The following DNAH8 variants were observed in gnomAD, a reference collection of about 807,000 sequenced individuals.
DNAH8 encodes axonemal beta dynein heavy chain 8.
Under a neutral mutation model 562.1 loss-of-function variants are expected in DNAH8, and 382 were observed. That is an observed-to-expected ratio of 0.68 (90% CI 0.63 to 0.74). The LOEUF is 0.74. DNAH8 is among the 30% of genes least tolerant of loss of function. The pLI is 0.00. For missense variants in DNAH8, 5,203 were observed against 5,620.4 expected (o/e 0.93, Z 2.37); for synonymous variants, 1,881 against 1,919.4 (o/e 0.98, Z 0.52).
chr6:38,972,769 A>G (rs1382510686), intron 83 of DNAH8, among the ~76,000 whole-genome samples: 2 of 152,172 alleles, frequency 1.3e-5, no homozygotes, highest in Non-Finnish European at 2.9e-5. Flanking sequence ...TGTTTAGCAT[A>G]AAGCTGGCAT....
At position 38,827,732 on chromosome 6, in the gene DNAH8, ACTTTTTTTTTTT is replaced by A. The variant is rs1773475253; in HGVS notation, c.4084-451_4084-440del. Among the ~76,000 whole-genome samples, 6 of 25,748 alleles carry A rather than the reference ACTTTTTTTTTTT, an allele frequency of 2.3e-4. 3 individuals carry two copies. The East Asian group carries it at 5.4e-3, about 23-fold the overall frequency. 16.9% of individuals were successfully genotyped at this position (25,748 alleles called of 152,430 possible). On this transcript the variant is annotated intron_variant, in intron 29 of 92. Coordinates refer to ENST00000327475, the MANE Select transcript of DNAH8 (RefSeq NM_001206927.2). The stretch of plus-strand genomic sequence containing the variant: ...CTGCAAAAGCTTAATTCTTTACCAA[ACTTTTTTTTTTT>A]TTTTTTTTTTTTTTTTTTTTTTTTT...
At chr6:38,852,011 G>A (rs544629164) in intron 39 of DNAH8, among the ~76,000 whole-genome samples, 1 of 152,284 alleles carries the variant, frequency 6.6e-6, no homozygotes, top group African/African-American at 2.4e-5. Flanking sequence ...ATCATGCATA[G>A]CAGAGTCTCT....
chr6:38,934,847 C>T (rs778582625), intron 76 of DNAH8, among the ~76,000 whole-genome samples: 86 of 152,050 alleles, frequency 5.7e-4, no homozygotes, highest in Non-Finnish European at 9.7e-4. Context: ...ACAACAATAA[C>T]AATAATGACA....
chr6:39,009,299 G>T (rs10947770), intron 89 of DNAH8, among the ~76,000 whole-genome samples: 16,326 of 75,232 alleles, frequency 0.22, 1,051 homozygotes, highest in Admixed American at 0.35. Flanking sequence ...CTTAAGCTGT[G>T]CTAAAAAAAA....
At chr6:38,869,110 T>C (rs1300298050) in intron 48 of DNAH8, among the ~76,000 whole-genome samples, 1 of 152,240 alleles carries the variant, frequency 6.6e-6, no homozygotes, top group East Asian at 1.9e-4. Context: ...ACATTCTAGT[T>C]ACAAAAACTA....
In DNAH8 at chr6:38,718,718, A is replaced by T. The variant is rs189543824; in HGVS notation, c.-35+3303A>T. 2.5e-3 allele frequency among the ~76,000 whole-genome samples: 380 copies of T among 152,306 alleles called. 4 individuals carry two copies. The highest frequency in any genetic ancestry group is 8.9e-3 in the African/African-American group (372 of 41,574). The stretch of plus-strand genomic sequence containing the variant: ...CAGACACTTGTATTCGCAGAAACAG[A>T]GTCTGTATGTCAGTGTTCACAGTCA... On this transcript the variant is annotated intron_variant, in intron 1 of 92. Coordinates refer to ENST00000327475, the MANE Select transcript of DNAH8 (RefSeq NM_001206927.2).
At chr6:38,932,124 C>A in intron 76 of DNAH8, 131 bp downstream of exon 76, 3 of 566,636 alleles carry the variant, frequency 5.3e-6, no homozygotes, top group Non-Finnish European at 8.4e-6. Flanking sequence ...ATAAGTATTT[C>A]TTTTGCAGCC....
chr6:38,814,152 A>G, intron 25 of DNAH8, 23 bp downstream of exon 25: 1 of 1,324,494 alleles, frequency 7.6e-7, no homozygotes, highest in Non-Finnish European at 1.1e-6. Flanking sequence ...AAATACACTG[A>G]TAATTTGATA....
chr6:38,842,656 C>T lies in DNAH8; in HGVS notation c.4605-7C>T. 6.2e-7 allele frequency: 1 copy of T among 1,606,410 alleles called. No homozygotes were observed. Among genetic ancestry groups the T allele is most frequent in the Non-Finnish European group, 8.5e-7 (1 of 1,177,654 alleles). On this transcript the variant is annotated splice_region_variant and splice_polypyrimidine_tract_variant and intron_variant, in intron 34 of 92. Transcript: ENST00000327475. ...TGGCATATTTTTTTTCTCTTTCTTTCTGAAAGATGTCGTAAACTTCCAAAA... is the reference window on the plus strand; with the variant it reads ...TGGCATATTTTTTTTCTCTTTCTTTTTGAAAGATGTCGTAAACTTCCAAAA...
At chr6:38,830,142 C>T (rs918133430) in intron 30 of DNAH8, among the ~76,000 whole-genome samples, 2 of 152,060 alleles carry the variant, frequency 1.3e-5, no homozygotes, top group Non-Finnish European at 2.9e-5. Flanking sequence ...ATTCTCTCTA[C>T]CATTTATTTG....
chr6:38,795,814 A>G (rs1389637100), intron 21 of DNAH8, among the ~76,000 whole-genome samples: 1 of 152,168 alleles, frequency 6.6e-6, no homozygotes, highest in Non-Finnish European at 1.5e-5. Flanking sequence ...TGGAAACACA[A>G]TATATGTAAC....
At chr6:38,746,400 G>C (rs1243553941) in intron 8 of DNAH8, among the ~76,000 whole-genome samples, 1 of 151,928 alleles carries the variant, frequency 6.6e-6, no homozygotes, top group Non-Finnish European at 1.5e-5. Context: ...TTTTGTATTT[G>C]TTCTGCCCTA....
At chr6:38,805,185 T>C (rs933279198) in intron 22 of DNAH8, among the ~76,000 whole-genome samples, 46 of 152,192 alleles carry the variant, frequency 3.0e-4, no homozygotes, top group African/African-American at 1.0e-3. Flanking sequence ...ACTCAAAAGA[T>C]AGACAGATAA....
At position 38,770,608 on chromosome 6, in the gene DNAH8, G is replaced by A. The variant is rs759607481; in HGVS notation, c.1764+49G>A. The A allele has an allele frequency of 2.7e-6, 4 of 1,493,806 alleles. No individual in the cohort carries two copies. In the African/African-American group the frequency reaches 4.2e-5, roughly 16 times the overall value. 92.5% of individuals were successfully genotyped at this position (1,493,806 alleles called of 1,614,324 possible). A position where few individuals can be genotyped will look rare whatever the true frequency, so the allele number is the denominator to read the frequency against. On this transcript the variant is annotated intron_variant, in intron 12 of 92. Coordinates refer to ENST00000327475, the MANE Select transcript of DNAH8 (RefSeq NM_001206927.2). ...CCCCACTCCACACCACACCTTTTTGGTGATTTTGTACTTTATGTAGTGCCA... is the reference window on the plus strand; with the variant it reads ...CCCCACTCCACACCACACCTTTTTGATGATTTTGTACTTTATGTAGTGCCA...
At chr6:38,997,498 G>A (rs1415731119) in intron 88 of DNAH8, among the ~76,000 whole-genome samples, 1 of 152,190 alleles carries the variant, frequency 6.6e-6, no homozygotes, top group Non-Finnish European at 1.5e-5. Context: ...GTATGTTGGA[G>A]GAGAAGTTAC....
In DNAH8 at chr6:38,812,259, T is replaced by C. The variant is rs566426449; in HGVS notation, c.3258-1795T>C. Among the ~76,000 whole-genome samples, 175 of 152,276 alleles carry C rather than the reference T, an allele frequency of 1.1e-3. 2 individuals carry two copies. Among genetic ancestry groups the C allele is most frequent in the African/African-American group, 4.1e-3 (170 of 41,558 alleles). ...TGAGTTTCTCTCCATTTCTACTTCA[T>C]GGAGATGCTTACCTTGTATTTGAGC... On this transcript the variant is annotated intron_variant, in intron 24 of 92. Transcript: ENST00000327475.
At chr6:39,026,378 GA>G (rs1767284483) in intron 91 of DNAH8, among the ~76,000 whole-genome samples, 167 bp from the exon 92 acceptor site, 1 of 152,190 alleles carries the variant, frequency 6.6e-6, no homozygotes, top group Non-Finnish European at 1.5e-5. Flanking sequence ...GGTCCCCACA[GA>G]AACGAAACAC....
intron 88 of DNAH8, among the ~76,000 whole-genome samples, chr6:38,996,148 C>G (rs1203861530): frequency 6.6e-6 from 1 of 151,816 alleles, no homozygotes; most frequent in Non-Finnish European, 1.5e-5. Flanking sequence ...GGCTGCAAAG[C>G]ATGACTTTAA....
intron 55 of DNAH8, 119 bp from the exon 56 acceptor site, chr6:38,883,757 A>T: frequency 2.6e-6 from 2 of 783,270 alleles, no homozygotes; most frequent in South Asian, 3.7e-5. Flanking sequence ...TTTAATAATT[A>T]TATGTATACT....
Sources: allele counts gnomAD v4.1 joint callset (sites outside exome capture counted in the v4.1 genomes callset), GRCh38; gene constraint gnomAD v4.1.1; transcripts MANE v1.5; gene names NCBI Gene and HGNC (gene_info 2026-07-23, HGNC 2026-07-21).